The following PCLO variants were observed in gnomAD, a reference collection of about 807,000 sequenced individuals.
PCLO encodes the protein protein piccolo.
PCLO carries 82 observed loss-of-function variants against 427.5 expected under a neutral mutation model. That is an observed-to-expected ratio of 0.19 (90% CI 0.16 to 0.23). The LOEUF (loss-of-function observed/expected upper bound fraction) is 0.23. PCLO is among the 10% of genes least tolerant of loss of function. PCLO has a pLI of 1.00. For missense variants in PCLO, 6,239 were observed against 6,115.9 expected, an observed-to-expected ratio of 1.02 and a Z score of -0.67; for synonymous variants, 2,357 against 2,155.4, an observed-to-expected ratio of 1.09 and a Z score of -2.59.
chr7:83,083,064 T>TA lies in PCLO; in HGVS notation c.3300+51185dup, dbSNP rs60793730. Among the ~76,000 whole-genome samples the TA allele has an allele frequency of 9.3e-3, 1,414 of 151,836 alleles. 14 individuals are homozygous for TA. The highest frequency in any genetic ancestry group is 0.014 in the Non-Finnish European group (939 of 67,734). On this transcript the variant is annotated intron_variant, in intron 3 of 24. Coordinates refer to ENST00000333891, the MANE Select transcript of PCLO (RefSeq NM_033026.6). Reference sequence around the variant, plus strand: ...ACACTGATACAATCAACTATTTTTTTAAAAAATTACTTTAGCACTTTATTT... The same window carrying TA: ...ACACTGATACAATCAACTATTTTTTTAAAAAAATTACTTTAGCACTTTATTT...
At chr7:82,959,827 G>C (rs17156905) in intron 4 of PCLO, among the ~76,000 whole-genome samples, 21,564 of 151,984 alleles carry the variant, frequency 0.14, 2,214 homozygotes, top group East Asian at 0.46. Context: ...ATATTATAAG[G>C]TGGCAAGTTG....
intron 3 of PCLO, among the ~76,000 whole-genome samples, chr7:83,094,205 T>C (rs1790467668): frequency 9.0e-6 from 1 of 110,848 alleles, no homozygotes; most frequent in Non-Finnish European, 1.9e-5. Context: ...GACTGATTTT[T>C]TTTTCTTTTT....
intron 13 of PCLO, among the ~76,000 whole-genome samples, chr7:82,843,750 C>T (rs1031911866): frequency 1.3e-5 from 2 of 151,374 alleles, no homozygotes; most frequent in South Asian, 4.2e-4. Context: ...ACTGCAACTC[C>T]GCCTCCCATA....
In PCLO at chr7:82,801,549, T is replaced by C. The variant is rs771596354; in HGVS notation, c.14976A>G (p.Pro4992=). The part of the protein sequence containing the change: ...GQNGQEPVKQ[P]GVGVGLADTE... ...TGTCTGCTAGTCCTACTCCTACCCC[T>C]GGCTGTTTTACAGGCTCTTGTCCAT... is the stretch of plus-strand genomic sequence containing the variant. The change falls in exon 22 of 25, where the codon CCA becomes CCG. Residue 4992 remains proline, a synonymous_variant. Coordinates refer to ENST00000333891, the MANE Select transcript of PCLO (RefSeq NM_033026.6). The C allele has an allele frequency of 1.9e-6, 3 of 1,599,518 alleles. No individual in the cohort carries two copies. The highest frequency in any genetic ancestry group is 4.5e-5 in the East Asian group (2 of 44,672).
chr7:82,766,982 T>G (rs1450335344), intron 22 of PCLO, among the ~76,000 whole-genome samples: 1 of 152,178 alleles, frequency 6.6e-6, no homozygotes, highest in Non-Finnish European at 1.5e-5. Context: ...GCGTTAATTG[T>G]GGGTCCATTG....
intron 22 of PCLO, among the ~76,000 whole-genome samples, chr7:82,782,009 T>C (rs918455969): frequency 1.3e-5 from 2 of 152,184 alleles, no homozygotes; most frequent in African/African-American, 4.8e-5. Context: ...CTGAGTTCTG[T>C]GAATTGTTTC....
intron 6 of PCLO, among the ~76,000 whole-genome samples, chr7:82,937,021 G>C (rs1339849097): frequency 2.0e-5 from 3 of 151,598 alleles, no homozygotes; most frequent in African/African-American, 4.8e-5. Context: ...ATGGCTGAAT[G>C]GGTATAGGAT....
intron 6 of PCLO, among the ~76,000 whole-genome samples, chr7:82,931,735 G>A (rs1350381851): frequency 6.6e-6 from 1 of 152,092 alleles, no homozygotes; most frequent in Non-Finnish European, 1.5e-5. Context: ...AGCAAGATGG[G>A]AGCAATAGTC....
intron 9 of PCLO, among the ~76,000 whole-genome samples, chr7:82,899,209 T>C (rs1406717909): frequency 6.6e-6 from 1 of 151,374 alleles, no homozygotes; most frequent in African/African-American, 2.4e-5. Flanking sequence ...AACATATAAA[T>C]GAAAGTAGAG....
intron 20 of PCLO, among the ~76,000 whole-genome samples, chr7:82,811,723 G>T (rs191780351): frequency 1.4e-3 from 219 of 151,566 alleles, no homozygotes; most frequent in African/African-American, 4.9e-3. Flanking sequence ...CTGGACACTA[G>T]AAAAATGGGC....
rs763624141 is a variant in PCLO at position 83,154,745 on chromosome 7, T to C, written c.1893+3A>G. 1 of 1,608,776 alleles carries C rather than the reference T, an allele frequency of 6.2e-7. No homozygotes were observed. Among genetic ancestry groups the C allele is most frequent in the South Asian group, 1.1e-5 (1 of 90,930 alleles). The stretch of plus-strand genomic sequence containing the variant: ...TATGGACTCAGTGAATAAATGCACT[T>C]ACCTCCGTTAAATGAGGATTGGGAT... On this transcript the variant is annotated splice_donor_region_variant and intron_variant, in intron 2 of 24. Transcript: ENST00000333891.
chr7:82,826,470 T>A (rs1248757508), intron 18 of PCLO, 119 bp downstream of exon 18: 2 of 590,478 alleles, frequency 3.4e-6, no homozygotes, highest in Non-Finnish European at 5.9e-6. Context: ...AAATTCTATC[T>A]GCCAGAAGAT....
At chr7:82,783,397 G>A (rs1020888355) in intron 22 of PCLO, among the ~76,000 whole-genome samples, 2 of 152,040 alleles carry the variant, frequency 1.3e-5, no homozygotes, top group African/African-American at 4.8e-5. Context: ...AGCGGATCAC[G>A]ACGTCAGGAG....
chr7:83,096,642 C>A (rs1790545559), intron 3 of PCLO, among the ~76,000 whole-genome samples: 1 of 146,906 alleles, frequency 6.8e-6, no homozygotes, highest in Admixed American at 7.2e-5. Context: ...CGAATTTTGT[C>A]TTATAGTCTC....
Position 83,134,945 on chromosome 7 carries a change from T to G in PCLO, c.2605A>C (p.Lys869Gln). The G allele has an allele frequency of 6.2e-7, 1 of 1,608,634 alleles. No individual in the cohort carries two copies. The highest frequency in any genetic ancestry group is 8.5e-7 in the Non-Finnish European group (1 of 1,177,766). ...QTKMSPKPDA[K>Q]PMPKGSPTPP... Reference sequence around the variant, plus strand: ...GTTGGTGACCCTTTTGGCATTGGCTTGGCATCTGGTTTAGGACTCATTTTG... The same window carrying G: ...GTTGGTGACCCTTTTGGCATTGGCTGGGCATCTGGTTTAGGACTCATTTTG... Residue 869 changes from lysine (K) to glutamine (Q), a missense_variant, in exon 3 of 25, where the codon AAG becomes CAG. Physicochemically the swap from Lys to Gln is moderately conservative, Grantham distance 53. Transcript: ENST00000333891.
chr7:82,782,135 T>C (rs1790885089), intron 22 of PCLO, among the ~76,000 whole-genome samples: 1 of 152,186 alleles, frequency 6.6e-6, no homozygotes, highest in South Asian at 2.1e-4. Context: ...GGAGGCAGTC[T>C]TGGGGACTGA....
intron 10 of PCLO, among the ~76,000 whole-genome samples, chr7:82,859,873 T>C (rs1454424397): frequency 6.6e-6 from 1 of 151,954 alleles, no homozygotes; most frequent in Non-Finnish European, 1.5e-5. Flanking sequence ...TAATAGAGTA[T>C]GAAATAACTA....
chr7:83,038,049 ATCTTTATATATATATT>A (rs1788863297), intron 3 of PCLO, among the ~76,000 whole-genome samples: 3 of 40,062 alleles, frequency 7.5e-5, no homozygotes, highest in African/African-American at 3.9e-4. Context: ...TTATATATAT[ATCTTTATATATATATT>A]TATATATTTA....
intron 3 of PCLO, among the ~76,000 whole-genome samples, chr7:83,125,231 G>A (rs1482939854): frequency 6.6e-6 from 1 of 151,870 alleles, no homozygotes; most frequent in Non-Finnish European, 1.5e-5. Flanking sequence ...TGGGATGTGA[G>A]GAGTGCCTCT....
Sources: gnomAD v4.1 joint callset for allele counts (sites outside exome capture counted in the v4.1 genomes callset) on GRCh38, gnomAD v4.1.1 for gene constraint, MANE v1.5 for transcripts, NCBI Gene and HGNC (gene_info 2026-07-23, HGNC 2026-07-21) for gene names.